The following RORA variants were observed in gnomAD, a reference collection of about 807,000 sequenced individuals.
The protein encoded by RORA is nuclear receptor ROR-alpha.
Under a neutral mutation model 69.5 loss-of-function variants are expected in RORA, and 7 were observed. The observed-to-expected ratio is 0.10, with a 90% CI of 0.06 to 0.19. RORA has a LOEUF of 0.19. Ranked by LOEUF, RORA falls within the 10% of genes least tolerant of loss-of-function variation. RORA has a pLI of 1.00. For missense variants in RORA, 457 were observed against 663.0 expected (o/e 0.69, Z 3.41); for synonymous variants, 261 against 240.8 (o/e 1.08, Z -0.78).
intron 1 of RORA, among the ~76,000 whole-genome samples, chr15:61,132,410 T>C (rs1336882601): frequency 6.6e-6 from 1 of 152,152 alleles, no homozygotes; most frequent in African/African-American, 2.4e-5. Flanking sequence ...TTTTTCACGG[T>C]AAAGTATAAT....
At position 60,770,366 on chromosome 15, in the gene RORA, A is replaced by G. The variant is rs182455495; in HGVS notation, c.167-91680T>C. On this transcript the variant is annotated intron_variant, in intron 1 of 10. Transcript: ENST00000335670. ...ACATACAGGCAGGTGTGGAAAGCCT[A>G]GAAGTCAGGGGTTTGTAAGAAATTA... Among the ~76,000 whole-genome samples the G allele has an allele frequency of 8.7e-4, 132 of 152,292 alleles. 1 individual carries two copies. The highest frequency in any genetic ancestry group is 1.9e-4 in the East Asian group (1 of 5,188).
intron 2 of RORA, among the ~76,000 whole-genome samples, chr15:60,573,362 C>G (rs1346937141): frequency 2.0e-5 from 3 of 152,220 alleles, no homozygotes; most frequent in African/African-American, 7.2e-5. Context: ...CAACACCATA[C>G]AAGAGGCAGA....
chr15:60,914,128 T>C (rs1482615610), intron 1 of RORA, among the ~76,000 whole-genome samples: 1 of 152,216 alleles, frequency 6.6e-6, no homozygotes, highest in Admixed American at 6.5e-5. Context: ...TCAGAGCAAA[T>C]ATTTCCTGCT....
intron 1 of RORA, among the ~76,000 whole-genome samples, chr15:60,933,709 G>C (rs1267022609): frequency 6.6e-6 from 1 of 152,182 alleles, no homozygotes; most frequent in African/African-American, 2.4e-5. Context: ...ACAAATGAAT[G>C]AATTTAGAAA....
At chr15:60,669,330 T>A (rs2070428475) in intron 2 of RORA, among the ~76,000 whole-genome samples, 1 of 83,750 alleles carries the variant, frequency 1.2e-5, no homozygotes, top group Non-Finnish European at 2.6e-5. Context: ...TCCTTCCCAA[T>A]AAGCGTTTTT....
chr15:60,962,064 G>A (rs540759645), intron 1 of RORA, among the ~76,000 whole-genome samples: 6 of 152,312 alleles, frequency 3.9e-5, no homozygotes, highest in South Asian at 4.1e-4. Context: ...CTGTGACCAC[G>A]AGGCGAGAGA....
At chr15:60,907,165 C>T (rs868109996) in intron 1 of RORA, among the ~76,000 whole-genome samples, 2 of 152,124 alleles carry the variant, frequency 1.3e-5, no homozygotes, top group Non-Finnish European at 2.9e-5. Context: ...ACATCATCTG[C>T]CTTTCATACA....
intron 1 of RORA, among the ~76,000 whole-genome samples, chr15:60,772,852 C>T (rs1317666437): frequency 6.6e-6 from 1 of 152,196 alleles, no homozygotes; most frequent in Non-Finnish European, 1.5e-5. Context: ...TAGTGGAATC[C>T]TAGTCTTATA....
At chr15:60,606,749 A>T (rs2068955061) in intron 2 of RORA, among the ~76,000 whole-genome samples, 1 of 152,210 alleles carries the variant, frequency 6.6e-6, no homozygotes. Context: ...CTAAAGAAAT[A>T]CTAAATTAGA....
At chr15:60,820,637 G>A (rs1446481157) in intron 1 of RORA, among the ~76,000 whole-genome samples, 1 of 152,294 alleles carries the variant, frequency 6.6e-6, no homozygotes, top group East Asian at 1.9e-4. Flanking sequence ...TAAAGGCAGA[G>A]GGGTGGGGGT....
At chr15:61,088,735 G>A (rs2140695777) in intron 1 of RORA, among the ~76,000 whole-genome samples, 1 of 152,132 alleles carries the variant, frequency 6.6e-6, no homozygotes, top group Non-Finnish European at 1.5e-5. Flanking sequence ...AAGCCACCAG[G>A]GAAGAAAAAC....
At chr15:60,646,685 G>A (rs533972652) in intron 2 of RORA, among the ~76,000 whole-genome samples, 7 of 152,310 alleles carry the variant, frequency 4.6e-5, no homozygotes, top group African/African-American at 1.7e-4. Flanking sequence ...TTGCTCTCCA[G>A]AAGTAAAAGC....
chr15:60,772,524 A>G (rs143506405), intron 1 of RORA, among the ~76,000 whole-genome samples: 18 of 152,344 alleles, frequency 1.2e-4, no homozygotes, highest in Non-Finnish European at 2.4e-4. Flanking sequence ...TCTCTTTAAA[A>G]AACTATTTTG....
chr15:60,774,696 G>T (rs1314986660), intron 1 of RORA, among the ~76,000 whole-genome samples: 1 of 152,124 alleles, frequency 6.6e-6, no homozygotes, highest in Non-Finnish European at 1.5e-5. Context: ...CACCACATTG[G>T]CCACTGGTAT....
intron 1 of RORA, among the ~76,000 whole-genome samples, chr15:60,997,701 C>T (rs530586058): frequency 6.6e-6 from 1 of 152,142 alleles, no homozygotes; most frequent in Non-Finnish European, 1.5e-5. Flanking sequence ...ATTTATGTTG[C>T]TGCTGTCCCA....
At chr15:60,797,183 A>G (rs933959514) in intron 1 of RORA, among the ~76,000 whole-genome samples, 1 of 152,042 alleles carries the variant, frequency 6.6e-6, no homozygotes, top group Admixed American at 6.5e-5. Flanking sequence ...AATGTCCTGG[A>G]ACTAGATAGT....
chr15:61,007,530 A>G (rs2140388757), intron 1 of RORA, among the ~76,000 whole-genome samples: 1 of 152,076 alleles, frequency 6.6e-6, no homozygotes, highest in African/African-American at 2.4e-5. Flanking sequence ...TTTTGATCAA[A>G]TTTGTTCTAA....
intron 1 of RORA, among the ~76,000 whole-genome samples, chr15:60,982,831 G>A (rs953438187): frequency 6.6e-6 from 1 of 152,152 alleles, no homozygotes; most frequent in African/African-American, 2.4e-5. Context: ...ACATTCTGAT[G>A]GTTATTGCCA....
chr15:60,801,095 A>G (rs145295634), intron 1 of RORA, among the ~76,000 whole-genome samples: 79 of 152,348 alleles, frequency 5.2e-4, no homozygotes, highest in African/African-American at 1.7e-3. Context: ...GCAGACCACA[A>G]AATAGAGTGG....
Sources: allele counts gnomAD v4.1 joint callset (sites outside exome capture counted in the v4.1 genomes callset), GRCh38; gene constraint gnomAD v4.1.1; transcripts MANE v1.5; gene names NCBI Gene and HGNC (gene_info 2026-07-23, HGNC 2026-07-21).